PARN: variants seen among roughly 807,000 people sequenced by gnomAD.
The protein encoded by PARN is poly(A)-specific ribonuclease PARN.
Under a neutral mutation model 102.8 loss-of-function variants are expected in PARN, and 71 were observed. The ratio of observed to expected loss-of-function variants is 0.69; its 90% CI spans 0.57 to 0.84. The LOEUF is 0.84. PARN is among the 40% of genes least tolerant of loss of function. The probability of loss-of-function intolerance (pLI) is 0.00; values close to 1 mark genes in which losing one functional copy is unlikely to be tolerated. For missense variants in PARN, 782 were observed against 760.9 expected, an observed-to-expected ratio of 1.03 and a Z score of -0.33; for synonymous variants, 261 against 252.9, an observed-to-expected ratio of 1.03 and a Z score of -0.30.
chr16:14,582,167 C>G lies in PARN; in HGVS notation c.1192+14G>C. 6.7e-7 allele frequency: 1 copy of G among 1,496,992 alleles called. No homozygotes were observed. Among genetic ancestry groups the G allele is most frequent in the Non-Finnish European group, 9.3e-7 (1 of 1,072,902 alleles). The allele number at this position is 1,496,992 out of a possible 1,614,324, so 92.7% of individuals were successfully genotyped here. On this transcript the variant is annotated intron_variant, in intron 17 of 23. Transcript: ENST00000437198. ...GATCACTGCGTGTTTGACTGAAAGA[C>G]ATGTAATGCGTACCTAGGTAATTGG...
intron 5 of PARN, among the ~76,000 whole-genome samples, chr16:14,620,606 T>C (rs1022301964): frequency 2.0e-5 from 3 of 152,240 alleles, no homozygotes; most frequent in African/African-American, 4.8e-5. Context: ...TCAGTCTAGA[T>C]TGAAGGACAT....
intron 21 of PARN, among the ~76,000 whole-genome samples, chr16:14,524,831 T>A (rs1264910748): frequency 6.6e-6 from 1 of 152,228 alleles, no homozygotes; most frequent in Non-Finnish European, 1.5e-5. Flanking sequence ...ATCCACTAAA[T>A]CTTTCTATTA....
intron 18 of PARN, among the ~76,000 whole-genome samples, chr16:14,561,559 C>T (rs1968063268): frequency 6.6e-6 from 1 of 152,184 alleles, no homozygotes. Context: ...CCCTGTTAAT[C>T]CCACTGCTTC....
chr16:14,551,109 T>A (rs559196938), intron 21 of PARN, among the ~76,000 whole-genome samples: 1 of 151,898 alleles, frequency 6.6e-6, no homozygotes, highest in Admixed American at 6.6e-5. Context: ...ATTTTGCATA[T>A]TTAGTAGAGA....
chr16:14,532,614 C>T (rs1310763926), intron 21 of PARN, among the ~76,000 whole-genome samples: 2 of 152,114 alleles, frequency 1.3e-5, no homozygotes, highest in Admixed American at 1.3e-4. Context: ...CCTTTCCCCA[C>T]CTTTCCCCCC....
intron 19 of PARN, among the ~76,000 whole-genome samples, chr16:14,555,384 A>G (rs1483293046): frequency 6.6e-6 from 1 of 152,228 alleles, no homozygotes; most frequent in African/African-American, 2.4e-5. Context: ...GAAAATGATG[A>G]AATCAGAATT....
chr16:14,613,993 G>GT (rs1453027842), intron 6 of PARN, among the ~76,000 whole-genome samples: 6 of 152,128 alleles, frequency 3.9e-5, no homozygotes, highest in African/African-American at 1.2e-4. Flanking sequence ...GAGACCATGC[G>GT]TAACAGGTCA....
chr16:14,565,791 T>C (rs867541299), intron 18 of PARN, among the ~76,000 whole-genome samples: 3 of 152,240 alleles, frequency 2.0e-5, no homozygotes, highest in Admixed American at 6.5e-5. Flanking sequence ...TCCCTGACTC[T>C]GCCACTCCTG....
chr16:14,575,290 A>G (rs1334859094), intron 18 of PARN, among the ~76,000 whole-genome samples: 1 of 152,192 alleles, frequency 6.6e-6, no homozygotes, highest in African/African-American at 2.4e-5. Flanking sequence ...TGCACCATGC[A>G]TCTGGAAAAG....
intron 21 of PARN, among the ~76,000 whole-genome samples, chr16:14,495,305 A>G (rs1016650372): frequency 6.6e-6 from 1 of 151,964 alleles, no homozygotes; most frequent in Non-Finnish European, 1.5e-5. Context: ...TAGGCAACAC[A>G]TACCCCTCAA....
At chr16:14,599,079 G>C (rs931115330) in intron 12 of PARN, among the ~76,000 whole-genome samples, 9 of 116,474 alleles carry the variant, frequency 7.7e-5, no homozygotes, top group Non-Finnish European at 1.3e-4. Context: ...GGGTCTGTCT[G>C]TCACCCAGGC....
intron 5 of PARN, among the ~76,000 whole-genome samples, chr16:14,624,561 A>G (rs1453180231): frequency 6.6e-6 from 1 of 152,206 alleles, no homozygotes; most frequent in African/African-American, 2.4e-5. Context: ...CAATGGGTGA[A>G]GTTCCTCTGA....
chr16:14,607,488 G>C (rs981269989), intron 9 of PARN, among the ~76,000 whole-genome samples: 1 of 152,192 alleles, frequency 6.6e-6, no homozygotes, highest in African/African-American at 2.4e-5. Flanking sequence ...GATTACAGGA[G>C]TGAGCCACCG....
chr16:14,614,304 C>T (rs947329314), intron 6 of PARN, among the ~76,000 whole-genome samples: 2 of 151,606 alleles, frequency 1.3e-5, no homozygotes, highest in African/African-American at 4.8e-5. Flanking sequence ...AGTTTTTGAC[C>T]CTAAGACCCA....
intron 11 of PARN, among the ~76,000 whole-genome samples, chr16:14,602,713 A>G (rs1311897262): frequency 1.3e-5 from 2 of 152,120 alleles, no homozygotes; most frequent in Non-Finnish European, 2.9e-5. Context: ...AGGAGCTGCT[A>G]TGAGGCCAGC....
chr16:14,607,433 C>A (rs1451965517), intron 9 of PARN, among the ~76,000 whole-genome samples: 1 of 151,956 alleles, frequency 6.6e-6, no homozygotes, highest in African/African-American at 2.4e-5. Flanking sequence ...GTCTTGAACT[C>A]CTGACCTCAG....
intron 22 of PARN, among the ~76,000 whole-genome samples, chr16:14,466,829 T>C (rs1339462737): frequency 3.3e-5 from 5 of 152,212 alleles, no homozygotes; most frequent in African/African-American, 7.2e-5. Context: ...AGATGTTCCA[T>C]CTCTTTGGAA....
intron 5 of PARN, among the ~76,000 whole-genome samples, chr16:14,623,436 C>A (rs1159120885): frequency 1.3e-5 from 2 of 151,990 alleles, no homozygotes; most frequent in Non-Finnish European, 2.9e-5. Context: ...ATCGCTTGAA[C>A]CCAGGAGGTG....
chr16:14,558,424 G>A (rs1267542683), intron 18 of PARN: 2 of 152,140 alleles, frequency 1.3e-5, no homozygotes, highest in Admixed American at 1.3e-4. Flanking sequence ...CTTGAACCCA[G>A]GAGGCAGAAG....
Sources: gnomAD v4.1 joint callset for allele counts (sites outside exome capture counted in the v4.1 genomes callset) on GRCh38, gnomAD v4.1.1 for gene constraint, MANE v1.5 for transcripts, NCBI Gene and HGNC (gene_info 2026-07-23, HGNC 2026-07-21) for gene names.